Variants in MTMR9 observed in about 807,000 individuals in gnomAD.
MTMR9 encodes myotubularin-related protein 9.
Under a neutral mutation model 69.5 loss-of-function variants are expected in MTMR9, and 39 were observed. The ratio of observed to expected loss-of-function variants is 0.56; its 90% CI spans 0.43 to 0.73. The LOEUF (loss-of-function observed/expected upper bound fraction) is 0.73, where lower values mean the gene tolerates loss of function less well. Among genes scored for constraint, MTMR9 ranks in the 30% least tolerant of loss-of-function variants. The pLI is 0.00. For synonymous variants in MTMR9, 354 were observed against 240.8 expected, an observed-to-expected ratio of 1.47 and a Z score of -4.35; for missense variants, 900 against 671.2, an observed-to-expected ratio of 1.34 and a Z score of -3.77.
chr8:11,292,413 A>G lies in MTMR9; in HGVS notation c.183-2781A>G, dbSNP rs546707737. The stretch of plus-strand genomic sequence containing the variant: ...TTTTACTTTTTAAGAAGCTGCCCCA[A>G]CTGTTTTCCAAAGTGCTTGTACCTA... On this transcript the variant is annotated intron_variant, in intron 1 of 9. Transcript: ENST00000221086. 6.6e-5 allele frequency among the ~76,000 whole-genome samples: 10 copies of G among 152,280 alleles called. No individual in the cohort carries two copies. The South Asian group carries it at 2.1e-3, about 32-fold the overall frequency.
downstream of MTMR9, chr8:11,331,711 C>G (rs532149058): frequency 6.2e-7 from 1 of 1,611,944 alleles, no homozygotes. Flanking sequence ...GGAGGCCTGG[C>G]GCTGTCCCTG....
chr8:11,319,331 T>A (rs937601893), intron 8 of MTMR9: 12 of 164,100 alleles, frequency 7.3e-5, no homozygotes, highest in African/African-American at 2.6e-4. Context: ...AGTTTTTTTA[T>A]GCTTAGCTAT....
In MTMR9 at chr8:11,314,963, G is replaced by C. The variant is rs1800353247; in HGVS notation, c.1012G>C (p.Asp338His). ...SILIHGTEGT[D>H]STLQVTSLAQ... ...ATTGATTCACGGAACAGAAGGAACT[G>C]ATTCCACACTCCAGGTGACCTCCTT... Residue 338 changes from aspartate to histidine, a missense_variant, in exon 7 of 10, where the codon GAT becomes CAT. Coordinates refer to ENST00000221086, the MANE Select transcript of MTMR9 (RefSeq NM_015458.4). 6.2e-7 allele frequency: 1 copy of C among 1,613,844 alleles called. No homozygotes were observed. Among genetic ancestry groups the C allele is most frequent in the African/African-American group, 1.3e-5 (1 of 74,896 alleles).
At chr8:11,314,824 A>G (rs1180823658) in intron 6 of MTMR9, 99 bp from the exon 7 acceptor site, 1 of 1,145,106 alleles carries the variant, frequency 8.7e-7, no homozygotes, top group Non-Finnish European at 1.3e-6. Context: ...TGAACTCAGT[A>G]GACTAAAATG....
chr8:11,305,688 G>T (rs961113247), intron 4 of MTMR9, among the ~76,000 whole-genome samples: 2 of 152,238 alleles, frequency 1.3e-5, no homozygotes, highest in African/African-American at 2.4e-5. Flanking sequence ...GAGGCCACTG[G>T]AGAATACATA....
intron 7 of MTMR9, chr8:11,315,916 A>T (rs557657378): frequency 1.2e-3 from 176 of 152,342 alleles, no homozygotes; most frequent in African/African-American, 4.1e-3. Flanking sequence ...TAAAATTTCT[A>T]TGTCATTACC....
chr8:11,294,364 G>GT (rs939465835), intron 1 of MTMR9, among the ~76,000 whole-genome samples: 2 of 151,920 alleles, frequency 1.3e-5, no homozygotes, highest in East Asian at 1.9e-4. Flanking sequence ...AGATTTAGGG[G>GT]TTTTTTTGTG....
At chr8:11,331,282 G>C (rs370522572), downstream of MTMR9, 3 of 1,613,968 alleles carry the variant, frequency 1.9e-6, no homozygotes, top group Non-Finnish European at 2.5e-6. Flanking sequence ...CCCCTTTCTC[G>C]TATGGCTTAC....
At chr8:11,294,288 A>G (rs571679403) in intron 1 of MTMR9, among the ~76,000 whole-genome samples, 2 of 152,236 alleles carry the variant, frequency 1.3e-5, no homozygotes, top group South Asian at 4.1e-4. Context: ...GTGACAGTGA[A>G]CATCTTTGTG....
intron 1 of MTMR9, 53 bp from the exon 2 acceptor site, chr8:11,295,141 A>T: frequency 1.1e-6 from 1 of 917,306 alleles, no homozygotes; most frequent in Non-Finnish European, 1.7e-6. Context: ...ATAATAATAT[A>T]TTTAAAGTTA....
At chr8:11,294,498 C>G (rs1023052205) in intron 1 of MTMR9, among the ~76,000 whole-genome samples, 3 of 92,966 alleles carry the variant, frequency 3.2e-5, no homozygotes, top group African/African-American at 2.4e-4. Context: ...CAAATACTTT[C>G]ACTTTTTTTT....
chr8:11,302,176 C>T (rs1387687705), intron 3 of MTMR9, among the ~76,000 whole-genome samples: 1 of 148,364 alleles, frequency 6.7e-6, no homozygotes, highest in Non-Finnish European at 1.5e-5. Context: ...TGGCTTGAGC[C>T]CAGAAAGTTG....
intron 2 of MTMR9, among the ~76,000 whole-genome samples, 168 bp downstream of exon 2, chr8:11,295,470 TTTC>T (rs1317851792): frequency 6.7e-6 from 1 of 149,956 alleles, no homozygotes; most frequent in Admixed American, 6.7e-5. Flanking sequence ...GTAATGGAAC[TTTC>T]TTGACTTCCA....
Position 11,306,032 on chromosome 8 carries a change from G to A in MTMR9, c.592-158G>A, listed in dbSNP as rs79880890. ...TTATCTTTTATAGTTATTAACTATT[G>A]TCAATACATGCAAATATTTCTTTGT... On this transcript the variant is annotated intron_variant, in intron 4 of 9. Transcript: ENST00000221086. Among the ~76,000 whole-genome samples, 1,409 of 152,288 alleles carry A rather than the reference G, an allele frequency of 9.3e-3. 13 individuals carry two copies. Among genetic ancestry groups the A allele is most frequent in the Middle Eastern group, 0.017 (5 of 294 alleles).
At chr8:11,299,916 G>A (rs944969264) in intron 2 of MTMR9, 107 bp from the exon 3 acceptor site, 8 of 1,255,472 alleles carry the variant, frequency 6.4e-6, no homozygotes, top group Non-Finnish European at 8.7e-6. Context: ...AACATTCTGG[G>A]TGCCCATCAT....
chr8:11,303,520 G>GT (rs1453066753), intron 3 of MTMR9, among the ~76,000 whole-genome samples: 13 of 151,804 alleles, frequency 8.6e-5, no homozygotes, highest in East Asian at 1.9e-4. Flanking sequence ...TAGAAACTGT[G>GT]TTTTTTTTAA....
intron 1 of MTMR9, among the ~76,000 whole-genome samples, chr8:11,288,020 GTA>G (rs1799241031): frequency 8.7e-6 from 1 of 114,738 alleles, no homozygotes; most frequent in South Asian, 2.5e-4. Context: ...TATATAATAC[GTA>G]TGATATATAA....
chr8:11,296,980 C>G (rs1799583170), intron 2 of MTMR9, among the ~76,000 whole-genome samples: 1 of 152,060 alleles, frequency 6.6e-6, no homozygotes, highest in South Asian at 2.1e-4. Context: ...TGTTTTCTTT[C>G]CATTCTAACC....
chr8:11,328,782 C>A (rs1220116715), downstream of MTMR9, among the ~76,000 whole-genome samples: 1 of 152,182 alleles, frequency 6.6e-6, no homozygotes, highest in African/African-American at 2.4e-5. Flanking sequence ...TGGTAGATAT[C>A]ACCTTATTTC....
Sources: gnomAD v4.1 joint callset for allele counts (sites outside exome capture counted in the v4.1 genomes callset) on GRCh38, gnomAD v4.1.1 for gene constraint, MANE v1.5 for transcripts, NCBI Gene and HGNC (gene_info 2026-07-23, HGNC 2026-07-21) for gene names.